Variants in SLC24A2 observed in about 807,000 individuals in gnomAD.
SLC24A2 encodes solute carrier family 24 member 2, also known as sodium/potassium/calcium exchanger 2.
Under a neutral mutation model 62.0 loss-of-function variants are expected in SLC24A2, and 36 were observed. That is an observed-to-expected ratio of 0.58 (90% confidence interval 0.44 to 0.77). SLC24A2 has a LOEUF of 0.77. SLC24A2 is among the 30% of genes least tolerant of loss of function. The pLI, the probability that SLC24A2 is intolerant of heterozygous loss-of-function variation, is 0.00. For synonymous variants in SLC24A2, 358 were observed against 294.0 expected (o/e 1.22, Z -2.23); for missense variants, 846 against 817.9 (o/e 1.03, Z -0.42).
rs147718681 is a variant in SLC24A2 at position 19,600,189 on chromosome 9, T to G, written c.1079-2910A>C. On this transcript the variant is annotated intron_variant, in intron 4 of 10. Coordinates refer to ENST00000341998, the MANE Select transcript of SLC24A2 (RefSeq NM_020344.4). ...GAGAAGAAATTCCAGAACCCTGTGG[T>G]CGGTGTTTGAGATGAGCCTGTAATC... Among the ~76,000 whole-genome samples the G allele has an allele frequency of 3.1e-3, 465 of 152,282 alleles. 2 individuals are homozygous for G. Among genetic ancestry groups the G allele is most frequent in the Middle Eastern group, 6.8e-3 (2 of 292 alleles).
intron 2 of SLC24A2, among the ~76,000 whole-genome samples, chr9:19,708,005 C>G (rs1820586924): frequency 6.6e-6 from 1 of 152,108 alleles, no homozygotes; most frequent in African/African-American, 2.4e-5. Flanking sequence ...TCTATAAAAC[C>G]CCATTGTCTC....
the SLC24A2 span, among the ~76,000 whole-genome samples, chr9:20,230,288 A>G: frequency 7.2e-5 from 11 of 152,304 alleles, no homozygotes; most frequent in South Asian, 4.1e-4. Flanking sequence ...TTCTAGTTCT[A>G]GATCCCTGAG....
In SLC24A2 at chr9:19,513,194, A is replaced by G. The variant is rs1188375763; in HGVS notation, c.*2959T>C. Reference sequence around the variant, plus strand: ...TATATATGTATATATATATATATGTATATATTTATATATGTATATACACAG... The same window carrying G: ...TATATATGTATATATATATATATGTGTATATTTATATATGTATATACACAG... On this transcript the variant is annotated 3_prime_UTR_variant, in exon 11 of 11. Coordinates refer to ENST00000341998, the MANE Select transcript of SLC24A2 (RefSeq NM_020344.4). 1.4e-5 allele frequency: 2 copies of G among 143,194 alleles called. No individual in the cohort carries two copies. The highest frequency in any genetic ancestry group is 2.7e-5 in the African/African-American group (1 of 37,446). The allele number at this position is 143,194 out of a possible 1,614,324, so 8.9% of individuals were successfully genotyped here. A position where few individuals can be genotyped will look rare whatever the true frequency, so the allele number is the denominator to read the frequency against.
chr9:20,019,796 G>A, the SLC24A2 span, among the ~76,000 whole-genome samples: 4 of 151,710 alleles, frequency 2.6e-5, no homozygotes, highest in Admixed American at 2.6e-4. Flanking sequence ...CCTACAGAAT[G>A]GGAGAAAATT....
chr9:20,086,340 C>T, the SLC24A2 span, among the ~76,000 whole-genome samples: 15 of 152,282 alleles, frequency 9.9e-5, no homozygotes, highest in South Asian at 4.2e-4. Context: ...TGCTCACCCC[C>T]GTCTCCTGGG....
intron 2 of SLC24A2, among the ~76,000 whole-genome samples, chr9:19,750,145 T>C (rs1821941700): frequency 6.6e-6 from 1 of 152,200 alleles, no homozygotes; most frequent in Non-Finnish European, 1.5e-5. Context: ...CTTCAGTTTT[T>C]AGCTTGTAAA....
chr9:19,952,876 G>A, the SLC24A2 span, among the ~76,000 whole-genome samples: 1 of 151,534 alleles, frequency 6.6e-6, no homozygotes, highest in East Asian at 1.9e-4. Context: ...ATCTGGGTCT[G>A]GATTTTTAAA....
At position 19,513,192 on chromosome 9, in the gene SLC24A2, G is replaced by GTATATATATATA. The variant is rs1159366832; in HGVS notation, c.*2960_*2961insTATATATATATA. 1.8e-5 allele frequency: 2 copies of GTATATATATATA among 109,942 alleles called. No homozygotes were observed. The highest frequency in any genetic ancestry group is 7.4e-5 in the African/African-American group (2 of 26,884). 6.8% of individuals were successfully genotyped at this position (109,942 alleles called of 1,614,324 possible). On this transcript the variant is annotated 3_prime_UTR_variant, in exon 11 of 11. Transcript: ENST00000341998. ...TATATATATGTATATATATATATAT[G>GTATATATATATA]TATATATTTATATATGTATATACAC...
intron 2 of SLC24A2, among the ~76,000 whole-genome samples, chr9:19,674,636 G>C (rs4606142): frequency 0.028 from 4,245 of 152,204 alleles, 129 homozygotes; most frequent in East Asian, 0.095. Flanking sequence ...GAAGTTCTTA[G>C]TTTGTTCGAC....
chr9:20,214,000 T>C, the SLC24A2 span, among the ~76,000 whole-genome samples: 2 of 152,228 alleles, frequency 1.3e-5, no homozygotes, highest in South Asian at 4.1e-4. Flanking sequence ...CTTGTCATAA[T>C]GTCTTCAATG....
the SLC24A2 span, among the ~76,000 whole-genome samples, chr9:20,272,949 C>T: frequency 3.1e-4 from 47 of 152,296 alleles, no homozygotes; most frequent in South Asian, 4.4e-3. Context: ...TTTACTGGAT[C>T]CTGATCCCAG....
At chr9:19,662,561 A>G (rs1483220609) in intron 2 of SLC24A2, among the ~76,000 whole-genome samples, 3 of 152,140 alleles carry the variant, frequency 2.0e-5, no homozygotes, top group African/African-American at 7.2e-5. Flanking sequence ...TCCTCAACTA[A>G]TTTACAAGCC....
intron 2 of SLC24A2, among the ~76,000 whole-genome samples, chr9:19,767,709 G>C (rs2118879772): frequency 6.6e-6 from 1 of 152,292 alleles, no homozygotes; most frequent in South Asian, 2.1e-4. Context: ...TTCTGTGTTG[G>C]TCTTGCTGGG....
chr9:19,718,091 C>T (rs1344905070), intron 2 of SLC24A2, among the ~76,000 whole-genome samples: 1 of 151,224 alleles, frequency 6.6e-6, no homozygotes, highest in Non-Finnish European at 1.5e-5. Flanking sequence ...ATTCTCCTGC[C>T]TCAGCCTCCT....
At chr9:19,517,953 A>T (rs2383099) in intron 10 of SLC24A2, among the ~76,000 whole-genome samples, 1,626 of 124,240 alleles carry the variant, frequency 0.013, 27 homozygotes, top group South Asian at 0.034. Context: ...ACACACACAC[A>T]CACACTCTCA....
chr9:20,120,708 G>A, the SLC24A2 span, among the ~76,000 whole-genome samples: 1 of 151,560 alleles, frequency 6.6e-6, no homozygotes, highest in East Asian at 1.9e-4. Flanking sequence ...ATAAAAGTTG[G>A]GGAAAAAAAA....
At chr9:19,924,814 C>T in the SLC24A2 span, among the ~76,000 whole-genome samples, 1 of 152,210 alleles carries the variant, frequency 6.6e-6, no homozygotes, top group Non-Finnish European at 1.5e-5. Flanking sequence ...CATCTTCCTG[C>T]TCTCCTGTCT....
At chr9:20,190,636 T>C in the SLC24A2 span, among the ~76,000 whole-genome samples, 1 of 152,168 alleles carries the variant, frequency 6.6e-6, no homozygotes, top group Admixed American at 6.5e-5. Context: ...AACTAGTAAG[T>C]TATGGATAAA....
At chr9:19,524,432 A>AG (rs1348065931) in intron 9 of SLC24A2, among the ~76,000 whole-genome samples, 2 of 151,892 alleles carry the variant, frequency 1.3e-5, no homozygotes, top group Non-Finnish European at 2.9e-5. Flanking sequence ...AAAAAAAAAA[A>AG]AAGCCAAGGG....
Sources: allele counts gnomAD v4.1 joint callset (sites outside exome capture counted in the v4.1 genomes callset), GRCh38; gene constraint gnomAD v4.1.1; transcripts MANE v1.5; gene names NCBI Gene and HGNC (gene_info 2026-07-23, HGNC 2026-07-21).